The following FBXL13 variants were observed in gnomAD, a reference collection of about 807,000 sequenced individuals.
The protein encoded by FBXL13 is F-box and leucine rich repeat protein 13.
FBXL13 carries 67 observed loss-of-function variants against 83.6 expected under a neutral mutation model. That is an observed-to-expected ratio of 0.80 (90% confidence interval 0.66 to 0.98). The LOEUF is 0.98. Ranked by LOEUF, FBXL13 falls within the 50% of genes least tolerant of loss-of-function variation. The probability of loss-of-function intolerance (pLI) is 0.00; values close to 1 mark genes in which losing one functional copy is unlikely to be tolerated. For synonymous variants in FBXL13, 272 were observed against 299.5 expected (o/e 0.91, Z 0.95); for missense variants, 822 against 866.5 (o/e 0.95, Z 0.64).
intron 18 of FBXL13, among the ~76,000 whole-genome samples, chr7:102,831,959 A>G (rs1800777229): frequency 6.6e-6 from 1 of 152,202 alleles, no homozygotes; most frequent in African/African-American, 2.4e-5. Flanking sequence ...TCCATAGTAT[A>G]TTAAAAAGTA....
chr7:102,893,984 G>A (rs199578027), intron 11 of FBXL13, among the ~76,000 whole-genome samples: 6 of 96,818 alleles, frequency 6.2e-5, no homozygotes, highest in East Asian at 4.2e-4. Context: ...GAAAGAAAGA[G>A]GAAAGAAAGA....
chr7:102,943,542 A>G (rs1015781753), intron 8 of FBXL13, among the ~76,000 whole-genome samples: 3 of 152,204 alleles, frequency 2.0e-5, no homozygotes, highest in Non-Finnish European at 4.4e-5. Flanking sequence ...GTAACGAAAG[A>G]AACACTTTCA....
At chr7:102,952,060 G>A (rs189175121) in intron 8 of FBXL13, among the ~76,000 whole-genome samples, 19 of 152,148 alleles carry the variant, frequency 1.2e-4, no homozygotes, top group East Asian at 1.2e-3. Context: ...AAACCCTGAC[G>A]ACATTGTGCT....
At chr7:102,871,171 T>G (rs1808471596) in intron 16 of FBXL13, among the ~76,000 whole-genome samples, 1 of 152,102 alleles carries the variant, frequency 6.6e-6, no homozygotes, top group Non-Finnish European at 1.5e-5. Context: ...TTGAGGATCT[T>G]GGCCACATTC....
chr7:102,922,495 A>G (rs988898437), intron 10 of FBXL13, among the ~76,000 whole-genome samples: 6 of 152,198 alleles, frequency 3.9e-5, no homozygotes, highest in Non-Finnish European at 8.8e-5. Flanking sequence ...TGCATTTACT[A>G]TAAAATTTTA....
At chr7:102,962,554 T>C (rs1194556999) in intron 8 of FBXL13, among the ~76,000 whole-genome samples, 1 of 152,124 alleles carries the variant, frequency 6.6e-6, no homozygotes, top group Non-Finnish European at 1.5e-5. Flanking sequence ...TGCGGCATTA[T>C]TCACAAAGCA....
At chr7:102,943,282 A>G (rs1821811251) in intron 8 of FBXL13, among the ~76,000 whole-genome samples, 1 of 150,032 alleles carries the variant, frequency 6.7e-6, no homozygotes, top group African/African-American at 2.5e-5. Flanking sequence ...CATGCGAAAT[A>G]TTTTCTTAAT....
intron 10 of FBXL13, among the ~76,000 whole-genome samples, chr7:102,919,732 G>A (rs959017588): frequency 6.6e-6 from 1 of 152,118 alleles, no homozygotes; most frequent in African/African-American, 2.4e-5. Context: ...TATACATGAA[G>A]AGAAGTTTCT....
intron 11 of FBXL13, among the ~76,000 whole-genome samples, chr7:102,902,764 C>G (rs1055417870): frequency 6.6e-6 from 1 of 152,056 alleles, no homozygotes; most frequent in Non-Finnish European, 1.5e-5. Flanking sequence ...TCTGGGTTCT[C>G]TATTCTGTTC....
At chr7:102,976,562 A>G (rs1230272203) in intron 6 of FBXL13, among the ~76,000 whole-genome samples, 1 of 151,972 alleles carries the variant, frequency 6.6e-6, no homozygotes, top group Non-Finnish European at 1.5e-5. Flanking sequence ...ACCTTAAAAC[A>G]TGCAACCTTT....
chr7:102,827,187 T>G (rs1462219064), intron 18 of FBXL13: 2 of 452,896 alleles, frequency 4.4e-6, no homozygotes, highest in Non-Finnish European at 8.9e-6. Context: ...GTTACTGCCC[T>G]TGAAGCAGCT....
intron 11 of FBXL13, among the ~76,000 whole-genome samples, chr7:102,896,392 T>G (rs1390405989): frequency 6.6e-6 from 1 of 152,114 alleles, no homozygotes. Context: ...GTGGTGGCTG[T>G]GGAGATGGTG....
intron 6 of FBXL13, among the ~76,000 whole-genome samples, chr7:103,016,622 C>T (rs1015473798): frequency 3.3e-5 from 5 of 152,156 alleles, no homozygotes; most frequent in Non-Finnish European, 7.3e-5. Context: ...GGGTCACTCC[C>T]ACCCTAATAC....
Position 102,832,860 on chromosome 7 carries a change from TGAGAGATGTGA to T in FBXL13, c.1823_1833del (p.Leu608GlnfsTer10). On this transcript the variant is annotated frameshift_variant, in exon 18 of 20. Coordinates refer to ENST00000313221, the Ensembl canonical transcript of FBXL13. LOFTEE classifies it high-confidence loss of function. ...CATACCTTTGGACAGCCAGCAATGC[TGAGAGATGTGA>T]GGTTAATGCAGTAAATGGCCAGTGC... is the stretch of plus-strand genomic sequence containing the variant. 1 of 1,614,188 alleles carries T rather than the reference TGAGAGATGTGA, an allele frequency of 6.2e-7. No individual in the cohort carries two copies. The highest frequency in any genetic ancestry group is 8.5e-7 in the Non-Finnish European group (1 of 1,180,028).
intron 11 of FBXL13, among the ~76,000 whole-genome samples, chr7:102,898,565 A>G (rs1210345496): frequency 1.3e-5 from 2 of 152,158 alleles, no homozygotes; most frequent in Non-Finnish European, 2.9e-5. Flanking sequence ...TGTGGGGATT[A>G]CAAGCATGAG....
intron 3 of FBXL13, 22 bp from the exon 5 acceptor site, chr7:103,028,770 T>A (rs766463901): frequency 3.4e-5 from 52 of 1,525,488 alleles, no homozygotes; most frequent in South Asian, 8.2e-5. Flanking sequence ...AGACATTTTT[T>A]AAAAAATAAT....
chr7:103,062,893 A>G (rs1798055010), intron 1 of FBXL13, among the ~76,000 whole-genome samples: 1 of 152,218 alleles, frequency 6.6e-6, no homozygotes. Flanking sequence ...GGTGTTTTCA[A>G]CTAGCACGTG....
chr7:102,844,514 C>A (rs192289100), intron 17 of FBXL13, among the ~76,000 whole-genome samples: 1 of 152,090 alleles, frequency 6.6e-6, no homozygotes, highest in African/African-American at 2.4e-5. Flanking sequence ...AAAAGACTGT[C>A]GTAAGAGTGG....
intron 6 of FBXL13, among the ~76,000 whole-genome samples, chr7:102,970,989 C>T (rs1186150839): frequency 6.6e-6 from 1 of 152,004 alleles, no homozygotes; most frequent in Non-Finnish European, 1.5e-5. Context: ...ACAGAATTTC[C>T]AGGAGGGAAT....
Sources: allele counts gnomAD v4.1 joint callset (sites outside exome capture counted in the v4.1 genomes callset), GRCh38; gene constraint gnomAD v4.1.1; transcripts MANE v1.5; gene names NCBI Gene and HGNC (gene_info 2026-07-23, HGNC 2026-07-21).